Variants in SOX6 observed in about 807,000 individuals in gnomAD.
The protein encoded by SOX6 is transcription factor SOX-6.
SOX6 carries 11 observed loss-of-function variants against 97.8 expected under a neutral mutation model. The ratio of observed to expected loss-of-function variants is 0.11; its 90% confidence interval spans 0.07 to 0.19. The LOEUF (loss-of-function observed/expected upper bound fraction) is 0.19. Among genes scored for constraint, SOX6 ranks in the 10% least tolerant of loss-of-function variants. The pLI is 1.00. For synonymous variants in SOX6, 360 were observed against 371.4 expected (o/e 0.97, Z 0.35); for missense variants, 810 against 1,039.5 (o/e 0.78, Z 3.04).
chr11:16,515,887 G>A (rs1326022401), intron 4 of SOX6, among the ~76,000 whole-genome samples: 8 of 130,962 alleles, frequency 6.1e-5, no homozygotes, highest in Non-Finnish European at 1.3e-4. Flanking sequence ...TGAGGGCTCT[G>A]TTCTGTTCCA....
rs536327123 is a variant in SOX6 at position 16,633,077 on chromosome 11, G to A, written n.430-20817C>T. 1.3e-4 allele frequency among the ~76,000 whole-genome samples: 20 copies of A among 152,294 alleles called. No homozygotes were observed. In the South Asian group the frequency reaches 4.1e-3, roughly 32 times the overall value. On this transcript the variant is annotated intron_variant and non_coding_transcript_variant, in intron 3 of 5. Coordinates refer to the SOX6 transcript ENST00000524520. ...CAGGATCTCTGCACAGGAAAGCTGG[G>A]ATGGGTAGGGTCAAGCTGCTGAACC...
intron 12 of SOX6, among the ~76,000 whole-genome samples, chr11:16,023,730 A>G (rs1212346950): frequency 1.3e-5 from 2 of 152,194 alleles, no homozygotes; most frequent in Non-Finnish European, 2.9e-5. Flanking sequence ...TAAAAAGGCC[A>G]ATCTCTTATG....
chr11:16,530,793 G>A (rs575788801), intron 4 of SOX6, among the ~76,000 whole-genome samples: 4 of 151,822 alleles, frequency 2.6e-5, no homozygotes, highest in South Asian at 2.1e-4. Flanking sequence ...GACACTGTCC[G>A]AGGTGAAGGA....
intron 1 of SOX6, among the ~76,000 whole-genome samples, chr11:16,467,140 A>G (rs1860055325): frequency 6.6e-6 from 1 of 152,206 alleles, no homozygotes; most frequent in Non-Finnish European, 1.5e-5. Context: ...AAAAAATAAC[A>G]GATGCTGGTA....
chr11:16,196,068 G>A (rs1297062703), intron 4 of SOX6, among the ~76,000 whole-genome samples: 1 of 152,176 alleles, frequency 6.6e-6, no homozygotes, highest in Non-Finnish European at 1.5e-5. Context: ...GAAATCAAGG[G>A]AATCTCTGCT....
intron 9 of SOX6, among the ~76,000 whole-genome samples, chr11:16,068,327 A>G (rs1263008236): frequency 6.6e-6 from 1 of 152,208 alleles, no homozygotes; most frequent in African/African-American, 2.4e-5. Flanking sequence ...GGCGTAATTA[A>G]GCAGCCTAAT....
Position 16,186,807 on chromosome 11 carries a change from G to A in SOX6, c.684C>T (p.Asp228=), listed in dbSNP as rs374810289. 5 of 1,613,378 alleles carry A rather than the reference G, an allele frequency of 3.1e-6. No homozygotes were observed. The African/African-American group carries it at 6.7e-5, about 22-fold the overall frequency. ...SQIEKQRQQM[D]LARQQQEQIA... Reference sequence around the variant, plus strand: ...CCTGTTCTTGCTGTTGGCGAGCAAGGTCCATTTGCTGCCGTTGTTTCTCAA... The same window carrying A: ...CCTGTTCTTGCTGTTGGCGAGCAAGATCCATTTGCTGCCGTTGTTTCTCAA... The change falls in exon 5 of 16, where the codon GAC becomes GAT. Residue 228 remains aspartate (D), a synonymous_variant. Transcript: ENST00000683767.
At chr11:16,737,832 G>A (rs1848405073) in intron 1 of SOX6, among the ~76,000 whole-genome samples, 1 of 150,718 alleles carries the variant, frequency 6.6e-6, no homozygotes, top group Non-Finnish European at 1.5e-5. Context: ...AATGTACTAA[G>A]TGACAGTGGA....
intron 9 of SOX6, among the ~76,000 whole-genome samples, chr11:16,094,635 T>C (rs1848756513): frequency 6.6e-6 from 1 of 151,882 alleles, no homozygotes; most frequent in African/African-American, 2.4e-5. Flanking sequence ...CATATAAACT[T>C]GTTCCTAATG....
In SOX6 at chr11:16,341,062, T is replaced by C. The variant is rs1254784276; in HGVS notation, c.187A>G (p.Ile63Val). Residue 63 changes from isoleucine (I) to valine (V), a missense_variant, in exon 2 of 16, where the codon ATT becomes GTT. Ile to Val is a conservative substitution (Grantham distance 29, BLOSUM62 3). This residue lies in a region of SOX6 where 100 missense variants were observed against 94.6 expected (regional missense o/e 1.06). Transcript: ENST00000683767. ...CTGTCCCAGTCAGCATCTTGTTGAA[T>C]GGTACTGACAAGTGTTGGTAGCTCC... Reference protein sequence around the residue: ...SEELPTLVSTIQQDADWDSVL... With the variant: ...SEELPTLVSTVQQDADWDSVL... 9.3e-6 allele frequency: 15 copies of C among 1,613,366 alleles called. No individual in the cohort carries two copies. The highest frequency in any genetic ancestry group is 1.3e-5 in the Non-Finnish European group (15 of 1,179,558).
intron 4 of SOX6, among the ~76,000 whole-genome samples, chr11:16,553,330 C>A (rs1008212907): frequency 6.6e-6 from 1 of 152,172 alleles, no homozygotes. Flanking sequence ...TGTATTTATA[C>A]TCATGTATAT....
chr11:16,125,861 AG>A (rs1217027001), intron 6 of SOX6, among the ~76,000 whole-genome samples: 4 of 151,578 alleles, frequency 2.6e-5, no homozygotes, highest in Non-Finnish European at 4.4e-5. Flanking sequence ...GAAGGAAGGA[AG>A]GAAGGAAGGA....
intron 3 of SOX6, among the ~76,000 whole-genome samples, chr11:16,663,322 TA>T (rs1377074404): frequency 6.6e-6 from 1 of 152,152 alleles, no homozygotes; most frequent in Non-Finnish European, 1.5e-5. Context: ...TGTAAGGCTA[TA>T]TTTTTTTTTC....
At chr11:16,010,102 TA>T (rs1854667952) in intron 13 of SOX6, among the ~76,000 whole-genome samples, 1 of 148,418 alleles carries the variant, frequency 6.7e-6, no homozygotes, top group Admixed American at 6.8e-5. Flanking sequence ...TCCTGAGATA[TA>T]AAACTTAGAA....
intron 13 of SOX6, among the ~76,000 whole-genome samples, chr11:16,003,289 G>T (rs145706780): frequency 1.6e-4 from 24 of 151,898 alleles, no homozygotes; most frequent in African/African-American, 5.3e-4. Flanking sequence ...ACATACTAGG[G>T]ATCTGAGTTT....
chr11:15,985,120 C>T (rs545219850), intron 15 of SOX6, among the ~76,000 whole-genome samples: 147 of 152,298 alleles, frequency 9.7e-4, no homozygotes, highest in African/African-American at 3.4e-3. Flanking sequence ...ACCCAGACTA[C>T]GTTCATTGGC....
At position 16,228,818 on chromosome 11, in the gene SOX6, G is replaced by A. The variant is rs529372130; in HGVS notation, c.535+5764C>T. 3.9e-5 allele frequency among the ~76,000 whole-genome samples: 6 copies of A among 152,140 alleles called. No homozygotes were observed. In the South Asian group the frequency reaches 1.2e-3, roughly 32 times the overall value. On this transcript the variant is annotated intron_variant, in intron 4 of 15. Transcript: ENST00000683767. ...AAAAAGAATATTAGGCATGACTCAG[G>A]TACATACTCATACAAATTTCTATGA...
At chr11:16,515,347 T>G (rs1437874708) in intron 4 of SOX6, among the ~76,000 whole-genome samples, 2 of 150,188 alleles carry the variant, frequency 1.3e-5, no homozygotes, top group South Asian at 2.1e-4. Flanking sequence ...AATGTCTTCT[T>G]TTGAGAAGTG....
chr11:16,052,071 C>T (rs144647558), intron 10 of SOX6, among the ~76,000 whole-genome samples: 291 of 152,196 alleles, frequency 1.9e-3, no homozygotes, highest in African/African-American at 6.8e-3. Flanking sequence ...ATCATGCTCA[C>T]GTTTTCCTCT....
Sources: gnomAD v4.1 joint callset for allele counts (sites outside exome capture counted in the v4.1 genomes callset) on GRCh38, gnomAD v4.1.1 for gene constraint, gnomAD v4.1.1 regional missense constraint, MANE v1.5 for transcripts, NCBI Gene and HGNC (gene_info 2026-07-23, HGNC 2026-07-21) for gene names.